VPS54: variants seen among roughly 807,000 people sequenced by gnomAD.
VPS54 encodes the protein VPS54 subunit of GARP complex, also known as vacuolar protein sorting-associated protein 54.
Under a neutral mutation model 121.5 loss-of-function variants are expected in VPS54, and 45 were observed. The ratio of observed to expected loss-of-function variants is 0.37; its 90% CI spans 0.29 to 0.47. VPS54 has a LOEUF of 0.47. VPS54 is among the 20% of genes least tolerant of loss of function. The pLI is 0.99. For missense variants in VPS54, 1,090 were observed against 1,131.4 expected, an observed-to-expected ratio of 0.96 and a Z score of 0.52; for synonymous variants, 371 against 385.8, an observed-to-expected ratio of 0.96 and a Z score of 0.45.
Position 64,015,489 on chromosome 2 carries a change from G to A in VPS54, c.-21+3449C>T, listed in dbSNP as rs529015632. Reference sequence around the variant, plus strand: ...CTAGGTCCTTACCAGAAATCGTGCAGCCCCTAGGTTTACAATGGTACCATT... The same window carrying A: ...CTAGGTCCTTACCAGAAATCGTGCAACCCCTAGGTTTACAATGGTACCATT... On this transcript the variant is annotated intron_variant, in intron 1 of 22. Coordinates refer to ENST00000272322, the MANE Select transcript of VPS54 (RefSeq NM_016516.3). Among the ~76,000 whole-genome samples, 4 of 152,134 alleles carry A rather than the reference G, an allele frequency of 2.6e-5. No individual in the cohort carries two copies. The South Asian group carries it at 6.3e-4, about 24-fold the overall frequency.
At chr2:64,014,502 C>G (rs1289872841) in intron 1 of VPS54, among the ~76,000 whole-genome samples, 1 of 152,058 alleles carries the variant, frequency 6.6e-6, no homozygotes, top group African/African-American at 2.4e-5. Context: ...CAGTTTGCCC[C>G]TATATTAAGG....
chr2:63,996,501 C>T (rs1368883218), intron 1 of VPS54, among the ~76,000 whole-genome samples: 4 of 152,074 alleles, frequency 2.6e-5, no homozygotes, highest in African/African-American at 7.2e-5. Flanking sequence ...GAAAAAAGAA[C>T]AGGATAACAG....
rs80288644 is a variant in VPS54, at chr2:64,018,429, C to T, written c.-21+509G>A. Reference sequence around the variant, plus strand: ...CTGTCTATGCAGAGATGGAAGGAGGCAGAACTGAAGAAAATTATTGCACAA... The same window carrying T: ...CTGTCTATGCAGAGATGGAAGGAGGTAGAACTGAAGAAAATTATTGCACAA... On this transcript the variant is annotated intron_variant, in intron 1 of 22. Transcript: ENST00000272322. 1.1e-4 allele frequency among the ~76,000 whole-genome samples: 16 copies of T among 152,158 alleles called. No homozygotes were observed. The East Asian group carries it at 3.1e-3, about 29-fold the overall frequency.
At chr2:63,954,906 AAAAACACTTGAGACAT>A (rs1675422767) in intron 7 of VPS54, among the ~76,000 whole-genome samples, 1 of 152,076 alleles carries the variant, frequency 6.6e-6, no homozygotes, top group South Asian at 2.1e-4. Flanking sequence ...CTATGGATCA[AAAAACACTTGAGACAT>A]ATCAACCAAT....
intron 1 of VPS54, among the ~76,000 whole-genome samples, chr2:63,988,604 G>T (rs1677165119): frequency 6.6e-6 from 1 of 152,126 alleles, no homozygotes; most frequent in Non-Finnish European, 1.5e-5. Flanking sequence ...CATAAATCGT[G>T]AAGATTTCAC....
chr2:63,945,562 T>C (rs1674940937), intron 9 of VPS54, among the ~76,000 whole-genome samples: 1 of 152,138 alleles, frequency 6.6e-6, no homozygotes, highest in Non-Finnish European at 1.5e-5. Context: ...TTTTAAAGGC[T>C]CTTACTGGCT....
chr2:63,913,806 T>G (rs1673257404), intron 17 of VPS54: 1 of 1,019,610 alleles, frequency 9.8e-7, no homozygotes, highest in East Asian at 9.9e-5. Flanking sequence ...GAAAGAATGA[T>G]GCAAGAAAAA....
At position 64,019,028 on chromosome 2, in the gene VPS54, G is replaced by GGCC. The variant is rs1401414945; in HGVS notation, c.-114_-112dup. 85 of 151,020 alleles carry GGCC rather than the reference G, an allele frequency of 5.6e-4. No individual in the cohort carries two copies. Among genetic ancestry groups the GGCC allele is most frequent in the African/African-American group, 1.9e-3 (78 of 41,182 alleles). The allele number at this position is 151,020 out of a possible 1,614,324, so 9.4% of individuals were successfully genotyped here. ...CGTCGCACCGAGGCTGCTGCTCCAC[G>GGCC]GCCGCCGCCGCCCGGCGCCCGGCCG... On this transcript the variant is annotated 5_prime_UTR_variant, in exon 1 of 23. Transcript: ENST00000272322.
intron 7 of VPS54, among the ~76,000 whole-genome samples, chr2:63,961,439 C>G (rs1174107154): frequency 6.6e-6 from 1 of 152,044 alleles, no homozygotes; most frequent in Non-Finnish European, 1.5e-5. Flanking sequence ...GATGGTTTTC[C>G]CAGCAGATAT....
chr2:63,972,116 A>C (rs377502693), intron 4 of VPS54, 50 bp downstream of exon 4: 56 of 1,233,616 alleles, frequency 4.5e-5, no homozygotes, highest in Non-Finnish European at 6.0e-5. Flanking sequence ...GATTTTGTTC[A>C]CTAATATTTA....
intron 11 of VPS54, among the ~76,000 whole-genome samples, 167 bp from the exon 12 acceptor site, chr2:63,934,180 T>C (rs1674348302): frequency 6.6e-6 from 1 of 152,162 alleles, no homozygotes; most frequent in Admixed American, 6.5e-5. Flanking sequence ...AAAAGTGATG[T>C]GAAAAAGAAC....
In VPS54 at chr2:63,921,355, A is replaced by G; in HGVS notation, c.1740-20T>C. 1 of 1,609,240 alleles carries G rather than the reference A, an allele frequency of 6.2e-7. No homozygotes were observed. The highest frequency in any genetic ancestry group is 2.2e-5 in the East Asian group (1 of 44,722). ...CTGACCCTGAAAATAACAAAATAAG[A>G]TTTAGTCAGGGAAAGTTGTAAACAT... is the stretch of plus-strand genomic sequence containing the variant. On this transcript the variant is annotated intron_variant, in intron 12 of 22. Transcript: ENST00000272322.
intron 1 of VPS54, among the ~76,000 whole-genome samples, chr2:64,008,834 C>T (rs1678291886): frequency 6.6e-6 from 1 of 152,236 alleles, no homozygotes; most frequent in South Asian, 2.1e-4. Flanking sequence ...TAATATCTGA[C>T]TATACAGTCA....
chr2:63,900,251 G>A (rs1408191955), intron 20 of VPS54, among the ~76,000 whole-genome samples: 1 of 145,914 alleles, frequency 6.9e-6, no homozygotes, highest in Non-Finnish European at 1.5e-5. Context: ...AAAAGAATGT[G>A]TCAGTATGAT....
At position 64,001,399 on chromosome 2, in the gene VPS54, A is replaced by G. The variant is rs937927647; in HGVS notation, c.-20-17380T>C. Among the ~76,000 whole-genome samples, 4 of 152,190 alleles carry G rather than the reference A, an allele frequency of 2.6e-5. No homozygotes were observed. In the East Asian group the frequency reaches 5.8e-4, roughly 22 times the overall value. On this transcript the variant is annotated intron_variant, in intron 1 of 22. Coordinates refer to ENST00000272322, the MANE Select transcript of VPS54 (RefSeq NM_016516.3). ...AAGGTGATACCTAAGATACAAGACA[A>G]AGTCCCCTTTATTTTTCCATCTGCT...
intron 12 of VPS54, among the ~76,000 whole-genome samples, chr2:63,926,603 T>C (rs1673915446): frequency 1.3e-5 from 2 of 151,988 alleles, no homozygotes; most frequent in Non-Finnish European, 2.9e-5. Context: ...CATTTCCAAC[T>C]GAGGTACCTG....
chr2:63,960,742 A>G (rs1266242564), intron 7 of VPS54, among the ~76,000 whole-genome samples: 1 of 152,236 alleles, frequency 6.6e-6, no homozygotes, highest in Non-Finnish European at 1.5e-5. Context: ...AAAAATACAT[A>G]CGACATACAA....
intron 9 of VPS54, among the ~76,000 whole-genome samples, chr2:63,945,191 T>C (rs1260396687): frequency 2.0e-5 from 3 of 152,190 alleles, no homozygotes; most frequent in Non-Finnish European, 2.9e-5. Flanking sequence ...ACGTACACCA[T>C]GGAATACTAT....
At chr2:64,015,667 C>T (rs774467546) in intron 1 of VPS54, among the ~76,000 whole-genome samples, 3 of 152,080 alleles carry the variant, frequency 2.0e-5, no homozygotes, top group Non-Finnish European at 4.4e-5. Flanking sequence ...AAACCGTCCT[C>T]GCAGAGCCAT....
Sources: allele counts gnomAD v4.1 joint callset (sites outside exome capture counted in the v4.1 genomes callset), GRCh38; gene constraint gnomAD v4.1.1; transcripts MANE v1.5; gene names NCBI Gene and HGNC (gene_info 2026-07-23, HGNC 2026-07-21).